Variants in DAZAP1 observed in about 807,000 individuals in gnomAD.
DAZAP1 encodes DAZ-associated protein 1.
In DAZAP1, 6 loss-of-function variants were observed where a neutral mutation model predicts 60.1. The ratio of observed to expected loss-of-function variants is 0.10; its 90% confidence interval spans 0.05 to 0.20. The LOEUF is 0.20. Ranked by LOEUF, DAZAP1 falls within the 10% of genes least tolerant of loss-of-function variation. The pLI, the probability that DAZAP1 is intolerant of heterozygous loss-of-function variation, is 1.00. For synonymous variants in DAZAP1, 235 were observed against 215.9 expected, an observed-to-expected ratio of 1.09 and a Z score of -0.78; for missense variants, 366 against 560.4, an observed-to-expected ratio of 0.65 and a Z score of 3.50.
At chr19:1,417,706 G>C (rs1322073013) in intron 2 of DAZAP1, among the ~76,000 whole-genome samples, 166 bp downstream of exon 2, 1 of 152,202 alleles carries the variant, frequency 6.6e-6, no homozygotes, top group East Asian at 1.9e-4. Context: ...TTTGCTCTGA[G>C]ACTGTTAATT....
chr19:1,417,750 C>T (rs566150749), intron 2 of DAZAP1, among the ~76,000 whole-genome samples: 2 of 152,316 alleles, frequency 1.3e-5, no homozygotes, highest in South Asian at 4.1e-4. Context: ...GGGAAGACCT[C>T]AGGCTGCAGG....
chr19:1,415,351 TTATGTGTGTGTGTGTGTGTGTG>T (rs1268320685), intron 1 of DAZAP1, among the ~76,000 whole-genome samples: 1 of 69,942 alleles, frequency 1.4e-5, no homozygotes, highest in Non-Finnish European at 3.5e-5. Context: ...TTTCAGGGTT[TTATGTGTGTGTGTGTGTGTGTG>T]TGTGTGTGTG....
chr19:1,425,818 A>T lies in DAZAP1; in HGVS notation c.464-60A>T. 8.5e-7 allele frequency: 1 copy of T among 1,177,010 alleles called. No individual in the cohort carries two copies. Among genetic ancestry groups the T allele is most frequent in the Non-Finnish European group, 1.3e-6 (1 of 781,790 alleles). 72.9% of individuals were successfully genotyped at this position (1,177,010 alleles called of 1,614,324 possible). A position where few individuals can be genotyped will look rare whatever the true frequency, so the allele number is the denominator to read the frequency against. ...CCTCGGCCCGTCCCTAATACTGTTC[A>T]TCATCCTGTTTTGTGTCACAACACC... On this transcript the variant is annotated intron_variant, in intron 6 of 11. Coordinates refer to ENST00000233078, the MANE Select transcript of DAZAP1 (RefSeq NM_018959.4). This position sits in a 1 kb window ranked among gnomAD's most constrained non-coding sequence, Gnocchi z 5.4.
rs1400194447 is a variant in DAZAP1 at position 1,428,526 on chromosome 19, G to T, written c.547-316G>T. 3.8e-6 allele frequency: 1 copy of T among 260,176 alleles called. No individual in the cohort carries two copies. Among genetic ancestry groups the T allele is most frequent in the Non-Finnish European group, 7.3e-6 (1 of 136,380 alleles). The allele number at this position is 260,176 out of a possible 1,614,324, so 16.1% of individuals were successfully genotyped here. A position where few individuals can be genotyped will look rare whatever the true frequency, so the allele number is the denominator to read the frequency against. The stretch of plus-strand genomic sequence containing the variant: ...GAAGGAGGACGCTGCCATTTTACTT[G>T]AGTGAAAGACCCTTCGTCACGCACG... On this transcript the variant is annotated intron_variant, in intron 7 of 11. Coordinates refer to ENST00000233078, the MANE Select transcript of DAZAP1 (RefSeq NM_018959.4). The surrounding 1 kb of genome is among the most constrained non-coding windows in gnomAD (Gnocchi z 4.0).
intron 1 of DAZAP1, 84 bp downstream of exon 1, chr19:1,407,886 C>T: frequency 2.0e-6 from 2 of 1,017,796 alleles, no homozygotes; most frequent in Non-Finnish European, 2.4e-6. Context: ...CGCCGCCCCC[C>T]GGGGCCGCCC....
chr19:1,413,778 G>T (rs1028072778), intron 1 of DAZAP1, among the ~76,000 whole-genome samples: 1 of 152,228 alleles, frequency 6.6e-6, no homozygotes. Flanking sequence ...TGCTGTCTCA[G>T]ATTCCATAAG....
intron 1 of DAZAP1, among the ~76,000 whole-genome samples, chr19:1,412,075 A>G (rs905935604): frequency 1.3e-5 from 2 of 152,126 alleles, no homozygotes; most frequent in Non-Finnish European, 2.9e-5. Flanking sequence ...CGGGGCTGGC[A>G]GGGAGAGGAT....
At chr19:1,430,196 C>T (rs1406729211) in intron 9 of DAZAP1, 26 bp from the exon 10 acceptor site, 13 of 1,583,452 alleles carry the variant, frequency 8.2e-6, no homozygotes, top group Non-Finnish European at 1.1e-5. Flanking sequence ...GCTCTCTGTC[C>T]ATCACCCCCG....
At chr19:1,412,382 C>T (rs1200202264) in intron 1 of DAZAP1, among the ~76,000 whole-genome samples, 2 of 152,176 alleles carry the variant, frequency 1.3e-5, no homozygotes, top group African/African-American at 4.8e-5. Flanking sequence ...GAAGGGTTCC[C>T]CACACATCAG....
Position 1,423,139 on chromosome 19 carries a change from G to A in DAZAP1, c.463+743G>A, listed in dbSNP as rs893856901. Among the ~76,000 whole-genome samples the A allele has an allele frequency of 1.3e-5, 2 of 151,940 alleles. No individual in the cohort carries two copies. Among genetic ancestry groups the A allele is most frequent in the African/African-American group, 4.8e-5 (2 of 41,426 alleles). ...TGCCCGCCACGTCCGTGCCGCCCCC[G>A]CACCACCGGCCCAGGTCAGTCGGGG... On this transcript the variant is annotated intron_variant, in intron 6 of 11. Transcript: ENST00000233078. The surrounding 1 kb of genome is among the most constrained non-coding windows in gnomAD (Gnocchi z 6.8).
intron 5 of DAZAP1, 36 bp downstream of exon 5, chr19:1,421,294 C>T (rs1490630657): frequency 1.9e-6 from 3 of 1,576,914 alleles, no homozygotes; most frequent in Non-Finnish European, 2.6e-6. Context: ...ACTGTGGGGA[C>T]AGAGCCGCTT....
At chr19:1,424,197 A>ACGTCTACCCTCGGCC (rs2144839967) in intron 6 of DAZAP1, among the ~76,000 whole-genome samples, 1 of 150,442 alleles carries the variant, frequency 6.6e-6, no homozygotes, top group East Asian at 2.0e-4. Context: ...TGGCCCTCCC[A>ACGTCTACCCTCGGCC]CGTCTACCCT....
At position 1,433,839 on chromosome 19, in the gene DAZAP1, C is replaced by T; in HGVS notation, c.1049-898C>T. 2 of 1,612,302 alleles carry T rather than the reference C, an allele frequency of 1.2e-6. No homozygotes were observed. Among genetic ancestry groups the T allele is most frequent in the Non-Finnish European group, 1.7e-6 (2 of 1,178,578 alleles). On this transcript the variant is annotated intron_variant, in intron 11 of 11. Coordinates refer to ENST00000233078, the MANE Select transcript of DAZAP1 (RefSeq NM_018959.4). The surrounding 1 kb of genome is among the most constrained non-coding windows in gnomAD (Gnocchi z 6.1). ...GTGATGTGGCCTAGGTAGGTGCCGC[C>T]TCCTTCTCCAGGGTCCTCCCACCCG...
chr19:1,435,065 T>G lies in DAZAP1; in HGVS notation c.*153T>G, dbSNP rs2083565267. On this transcript the variant is annotated 3_prime_UTR_variant, in exon 12 of 12. Coordinates refer to ENST00000233078, the MANE Select transcript of DAZAP1 (RefSeq NM_018959.4). ...GCTTTTGGAGCGGCTGTGGGTGTCG[T>G]CTGGACTGAGGTTTTTAAATATTTC... is the stretch of plus-strand genomic sequence containing the variant. The G allele has an allele frequency of 1.8e-6, 1 of 569,490 alleles. No individual in the cohort carries two copies. The highest frequency in any genetic ancestry group is 2.0e-5 in the African/African-American group (1 of 50,366). 35.3% of individuals were successfully genotyped at this position (569,490 alleles called of 1,614,324 possible).
Position 1,432,114 on chromosome 19 carries a change from G to A in DAZAP1, c.872-400G>A, listed in dbSNP as rs1290985322. The A allele has an allele frequency of 2.6e-5, 6 of 230,086 alleles. No homozygotes were observed. The South Asian group carries it at 2.7e-4, about 10-fold the overall frequency. The allele number at this position is 230,086 out of a possible 1,614,324, so 14.3% of individuals were successfully genotyped here. On this transcript the variant is annotated intron_variant, in intron 10 of 11. Transcript: ENST00000233078. This position sits in a 1 kb window ranked among gnomAD's most constrained non-coding sequence, Gnocchi z 4.9. The stretch of plus-strand genomic sequence containing the variant: ...CAGCATGACAGTCCCTTCCAAGCAC[G>A]TCAGGATGCTCCCTTGCCTGTGCTG...
In DAZAP1 at chr19:1,430,378, C is replaced by T. The variant is rs2083416517; in HGVS notation, c.871+16C>T. On this transcript the variant is annotated intron_variant, in intron 10 of 11. Transcript: ENST00000233078. ...CCACAGTTCAGTAAGTCTAGGGGGC[C>T]TTGTGGGAGGGCCTCCCGCCTGCTC... 6.8e-7 allele frequency: 1 copy of T among 1,480,112 alleles called. No individual in the cohort carries two copies. Among genetic ancestry groups the T allele is most frequent in the Non-Finnish European group, 8.9e-7 (1 of 1,118,294 alleles). 91.7% of individuals were successfully genotyped at this position (1,480,112 alleles called of 1,614,324 possible).
intron 1 of DAZAP1, among the ~76,000 whole-genome samples, chr19:1,411,975 A>G (rs547180081): frequency 1.7e-4 from 26 of 152,370 alleles, no homozygotes; most frequent in Middle Eastern, 6.8e-3. Context: ...GGCTTTTGGC[A>G]GAGGCCAGTC....
chr19:1,410,048 C>T (rs2082781889), intron 1 of DAZAP1: 1 of 152,362 alleles, frequency 6.6e-6, no homozygotes, highest in South Asian at 2.1e-4. Context: ...TGTGGCCGTC[C>T]AGCTGCTGCC....
rs751754545 is a variant in DAZAP1, at chr19:1,434,653, C to T, written c.1049-84C>T. Reference sequence around the variant, plus strand: ...ACCCGTGGACTCAAGGCAGGCTCGGCGGAGCTGTGTCCAGGTGGCCTCGCT... The same window carrying T: ...ACCCGTGGACTCAAGGCAGGCTCGGTGGAGCTGTGTCCAGGTGGCCTCGCT... On this transcript the variant is annotated intron_variant, in intron 11 of 11. Transcript: ENST00000233078. The surrounding 1 kb of genome is among the most constrained non-coding windows in gnomAD (Gnocchi z 8.0). 869 of 1,470,178 alleles carry T rather than the reference C, an allele frequency of 5.9e-4. 1 individual carries two copies. The highest frequency in any genetic ancestry group is 7.8e-4 in the Non-Finnish European group (836 of 1,068,392). 91.1% of individuals were successfully genotyped at this position (1,470,178 alleles called of 1,614,324 possible). A position where few individuals can be genotyped will look rare whatever the true frequency, so the allele number is the denominator to read the frequency against.
Sources: allele counts gnomAD v4.1 joint callset (sites outside exome capture counted in the v4.1 genomes callset), GRCh38; gene constraint gnomAD v4.1.1; non-coding constraint Gnocchi (gnomAD v3.1); transcripts MANE v1.5; gene names NCBI Gene and HGNC (gene_info 2026-07-23, HGNC 2026-07-21).